The following CERS5 variants were observed in gnomAD, a reference collection of about 807,000 sequenced individuals.
CERS5 encodes the protein LAG1 homolog, ceramide synthase 5.
A neutral mutation model predicts 58.9 loss-of-function variants in CERS5; 37 were observed. The ratio of observed to expected loss-of-function variants is 0.63; its 90% CI spans 0.48 to 0.83. CERS5 has a LOEUF of 0.83. Ranked by LOEUF, CERS5 falls within the 40% of genes least tolerant of loss-of-function variation. The probability of loss-of-function intolerance (pLI) is 0.00; values close to 1 mark genes in which losing one functional copy is unlikely to be tolerated. For synonymous variants in CERS5, 147 were observed against 177.8 expected (o/e 0.83, Z 1.38); for missense variants, 398 against 489.3 (o/e 0.81, Z 1.76).
At position 50,167,241 on chromosome 12, in the gene CERS5, C is replaced by G. The variant is rs1332324759; in HGVS notation, c.57G>C (p.Glu19Asp). 3.1e-6 allele frequency: 5 copies of G among 1,602,136 alleles called. No individual in the cohort carries two copies. Among genetic ancestry groups the G allele is most frequent in the Non-Finnish European group, 8.5e-7 (1 of 1,176,542 alleles). Residue 19 changes from glutamate to aspartate, a missense_variant, in exon 1 of 10, where the codon GAG becomes GAC. Around this residue, in one of 3 missense-constraint regions of CERS5, gnomAD observed 328 missense variants for 384.5 expected, o/e 0.85. Transcript: ENST00000317551. ...LSLLWGWLWSERFWLPENVSW... is the reference protein window; with the variant it reads ...LSLLWGWLWSDRFWLPENVSW... Reference sequence around the variant, plus strand: ...TCACGTTCTCGGGTAGCCAGAAGCGCTCGCTCCACAGCCAGCCCCACAGCA... The same window carrying G: ...TCACGTTCTCGGGTAGCCAGAAGCGGTCGCTCCACAGCCAGCCCCACAGCA...
chr12:50,167,005 T>G, intron 1 of CERS5, 96 bp downstream of exon 1: 1 of 1,031,158 alleles, frequency 9.7e-7, no homozygotes, highest in South Asian at 1.7e-5. Context: ...CTTCCGGGCT[T>G]TCCTTGCAGT....
At chr12:50,161,060 G>T (rs1939220692) in intron 1 of CERS5, among the ~76,000 whole-genome samples, 1 of 152,186 alleles carries the variant, frequency 6.6e-6, no homozygotes, top group African/African-American at 2.4e-5. Context: ...CATCTGAGTG[G>T]ACAAGAATAG....
intron 9 of CERS5, chr12:50,132,910 C>G: frequency 7.8e-7 from 1 of 1,285,984 alleles, no homozygotes; most frequent in Non-Finnish European, 1.0e-6. Context: ...GAAAGAGAAC[C>G]ACATTCAGAT....
chr12:50,166,272 G>A (rs1195096710), intron 1 of CERS5: 2 of 158,364 alleles, frequency 1.3e-5, no homozygotes, highest in Non-Finnish European at 2.7e-5. Flanking sequence ...GCGGTAAGCC[G>A]AGATCGTGCC....
intron 1 of CERS5, among the ~76,000 whole-genome samples, chr12:50,159,810 C>T (rs1408191174): frequency 6.6e-6 from 1 of 151,846 alleles, no homozygotes; most frequent in Non-Finnish European, 1.5e-5. Context: ...AGGCTGGTCT[C>T]GAACTCCTGA....
At chr12:50,156,432 AT>A (rs1301889442) in intron 1 of CERS5, among the ~76,000 whole-genome samples, 2 of 131,244 alleles carry the variant, frequency 1.5e-5, no homozygotes, top group Non-Finnish European at 3.2e-5. Context: ...ATATATATAT[AT>A]ATATAAAACA....
At chr12:50,146,842 G>A (rs1460763015) in intron 1 of CERS5, among the ~76,000 whole-genome samples, 2 of 85,984 alleles carry the variant, frequency 2.3e-5, no homozygotes, top group Non-Finnish European at 4.1e-5. Context: ...GTGAGACTCC[G>A]TCTCAAAAAA....
chr12:50,135,160 GAGAGGGGA>G (rs1314910208), intron 8 of CERS5, among the ~76,000 whole-genome samples: 1 of 58,122 alleles, frequency 1.7e-5, no homozygotes, highest in Non-Finnish European at 4.1e-5. Context: ...GGGAGGGAGA[GAGAGGGGA>G]GGGAGGGAGA....
In CERS5 at chr12:50,167,137, G is replaced by T; in HGVS notation, c.161C>A (p.Ala54Glu). ...CAGCCTCACGAAGAAGATGCCCGCC[G>T]CCAGCGGGAACACCGAGAGGATGTG... is the stretch of plus-strand genomic sequence containing the variant. Reference protein sequence around the residue: ...GRHILSVFPLAAGIFFVRLLF... With the variant: ...GRHILSVFPLEAGIFFVRLLF... Residue 54 changes from alanine (A) to glutamate (E), a missense_variant, in exon 1 of 10, where the codon GCG becomes GAG. Ala to Glu is a moderately radical substitution (Grantham distance 107, BLOSUM62 -1). Transcript: ENST00000317551. The T allele has an allele frequency of 6.3e-7, 1 of 1,578,594 alleles. No homozygotes were observed. The highest frequency in any genetic ancestry group is 8.6e-7 in the Non-Finnish European group (1 of 1,166,856).
In CERS5 at chr12:50,164,211, C is replaced by T. The variant is rs781173961; in HGVS notation, c.197+2890G>A. On this transcript the variant is annotated intron_variant, in intron 1 of 9. Transcript: ENST00000317551. ...CTGGCCTCAAGTGATCTCCCTGCCT[C>T]GGCCTCCCAAAGTGCTGGGATTACA... 3.3e-5 allele frequency among the ~76,000 whole-genome samples: 5 copies of T among 151,910 alleles called. No homozygotes were observed. In the South Asian group the frequency reaches 6.2e-4, roughly 19 times the overall value.
chr12:50,144,087 C>G (rs767649204), intron 1 of CERS5, 30 bp from the exon 2 acceptor site: 1 of 1,336,944 alleles, frequency 7.5e-7, no homozygotes, highest in South Asian at 1.2e-5. Flanking sequence ...CGGGCCAATT[C>G]TTTTTAAAAA....
At position 50,130,057 on chromosome 12, in the gene CERS5, A is replaced by G. The variant is rs1180236935; in HGVS notation, c.*488T>C. The G allele has an allele frequency of 1.3e-5, 2 of 153,066 alleles. No homozygotes were observed. Among genetic ancestry groups the G allele is most frequent in the East Asian group, 1.9e-4 (1 of 5,204 alleles). The allele number at this position is 153,066 out of a possible 1,614,324, so 9.5% of individuals were successfully genotyped here. ...TTTCTATACAACTTCATCATGTGAC[A>G]TATTCCAGCTGTGAAAGAGGAACAG... is the stretch of plus-strand genomic sequence containing the variant. On this transcript the variant is annotated 3_prime_UTR_variant, in exon 10 of 10. Coordinates refer to ENST00000317551, the MANE Select transcript of CERS5 (RefSeq NM_147190.5).
At chr12:50,164,024 A>G (rs539346995) in intron 1 of CERS5, among the ~76,000 whole-genome samples, 1 of 144,742 alleles carries the variant, frequency 6.9e-6, no homozygotes, top group African/African-American at 2.6e-5. Context: ...CAACAGTGTG[A>G]TCTTGGCTCA....
At position 50,138,620 on chromosome 12, in the gene CERS5, AAG is replaced by A. The variant is rs1592353374; in HGVS notation, c.493-5_493-4del. On this transcript the variant is annotated splice_region_variant and splice_polypyrimidine_tract_variant and intron_variant, in intron 4 of 9. Coordinates refer to ENST00000317551, the MANE Select transcript of CERS5 (RefSeq NM_147190.5). The stretch of plus-strand genomic sequence containing the variant: ...CGGATGTCCCAGAACCAAGGTGACT[AAG>A]AGAAAACAGATAATCCATGTCAGTC... 6.2e-7 allele frequency: 1 copy of A among 1,612,636 alleles called. No individual in the cohort carries two copies. The highest frequency in any genetic ancestry group is 8.5e-7 in the Non-Finnish European group (1 of 1,178,692).
chr12:50,150,849 G>A (rs1024483484), intron 1 of CERS5, among the ~76,000 whole-genome samples: 3 of 152,042 alleles, frequency 2.0e-5, no homozygotes, highest in Non-Finnish European at 2.9e-5. Flanking sequence ...AGATATAGGA[G>A]GAAAGAAGTA....
chr12:50,155,398 T>C (rs1938451183), intron 1 of CERS5, among the ~76,000 whole-genome samples: 5 of 151,828 alleles, frequency 3.3e-5, no homozygotes, highest in Admixed American at 3.3e-4. Context: ...ATTTCTTGCA[T>C]GGTCTGTGCT....
intron 1 of CERS5, among the ~76,000 whole-genome samples, chr12:50,161,919 A>G (rs1175319319): frequency 7.9e-6 from 1 of 126,182 alleles, no homozygotes; most frequent in African/African-American, 3.0e-5. Context: ...CTGTTGCCCA[A>G]GCTGGAGTGC....
chr12:50,165,956 TATG>T (rs1565814138), intron 1 of CERS5: 2 of 454,772 alleles, frequency 4.4e-6, no homozygotes, highest in Non-Finnish European at 8.8e-6. Context: ...TGGACAAACA[TATG>T]ATCCATTCAC....
intron 9 of CERS5, chr12:50,133,862 G>T: frequency 1.7e-6 from 1 of 579,582 alleles, no homozygotes; most frequent in Non-Finnish European, 2.2e-6. Context: ...TCACAAGGTC[G>T]GGAGTTAGAG....
Sources: allele counts gnomAD v4.1 joint callset (sites outside exome capture counted in the v4.1 genomes callset), GRCh38; gene constraint gnomAD v4.1.1; regional missense constraint gnomAD v4.1.1; transcripts MANE v1.5; gene names NCBI Gene and HGNC (gene_info 2026-07-23, HGNC 2026-07-21).